The following MECOM variants were observed in gnomAD, a reference collection of about 807,000 sequenced individuals.
MECOM encodes the protein histone-lysine N-methyltransferase MECOM.
In MECOM, 13 loss-of-function variants were observed where a neutral mutation model predicts 116.3. The observed-to-expected ratio is 0.11, with a 90% confidence interval of 0.07 to 0.18. The LOEUF is 0.18. Among genes scored for constraint, MECOM ranks in the 10% least tolerant of loss-of-function variants. The pLI, the probability that MECOM is intolerant of heterozygous loss-of-function variation, is 1.00. For synonymous variants in MECOM, 528 were observed against 535.2 expected (o/e 0.99, Z 0.19); for missense variants, 1,299 against 1,509.0 (o/e 0.86, Z 2.31).
At chr3:169,606,139 C>T (rs1768515574) in intron 1 of MECOM, among the ~76,000 whole-genome samples, 7 of 152,224 alleles carry the variant, frequency 4.6e-5, no homozygotes, top group South Asian at 2.1e-4. Context: ...AGGCCAGGTG[C>T]GGTGGCTCAC....
chr3:169,128,854 T>C (rs533033753), intron 4 of MECOM, among the ~76,000 whole-genome samples: 1 of 152,322 alleles, frequency 6.6e-6, no homozygotes, highest in South Asian at 2.1e-4. Flanking sequence ...CAGGTAGTGA[T>C]GGCATTGTTT....
intron 1 of MECOM, among the ~76,000 whole-genome samples, chr3:169,492,792 T>C (rs958687490): frequency 6.6e-6 from 1 of 152,092 alleles, no homozygotes; most frequent in South Asian, 2.1e-4. Context: ...CTAAACCCCC[T>C]CTACTAAAAA....
At chr3:169,473,292 C>G (rs893412546) in intron 1 of MECOM, among the ~76,000 whole-genome samples, 1 of 152,162 alleles carries the variant, frequency 6.6e-6, no homozygotes, top group Non-Finnish European at 1.5e-5. Flanking sequence ...TCATCCTAAT[C>G]CACAGGCTAG....
intron 2 of MECOM, among the ~76,000 whole-genome samples, chr3:169,329,672 A>T (rs1722420144): frequency 1.3e-5 from 2 of 152,190 alleles, no homozygotes; most frequent in African/African-American, 4.8e-5. Context: ...GTATTTCCTT[A>T]TATAAATGGG....
At chr3:169,442,606 T>C (rs990376027) in intron 1 of MECOM, among the ~76,000 whole-genome samples, 3 of 151,976 alleles carry the variant, frequency 2.0e-5, no homozygotes, top group Admixed American at 6.6e-5. Context: ...ATTAAGGAGA[T>C]TGTAGAGACA....
In MECOM at chr3:169,594,592, A is replaced by G. The variant is rs76362417; in HGVS notation, c.37+68744T>C. 1.4e-3 allele frequency among the ~76,000 whole-genome samples: 213 copies of G among 151,814 alleles called. 1 individual carries two copies. Among genetic ancestry groups the G allele is most frequent in the African/African-American group, 5.0e-3 (206 of 41,398 alleles). On this transcript the variant is annotated intron_variant, in intron 1 of 16. Coordinates refer to ENST00000651503, the MANE Select transcript of MECOM (RefSeq NM_004991.4). ...GAATACTGGGAGAAGAGGAGTTTCC[A>G]TTAGTCCTTCTCAAGTCTGAGCCTC...
chr3:169,662,320 C>A (rs1213321195), intron 1 of MECOM, among the ~76,000 whole-genome samples: 1 of 152,172 alleles, frequency 6.6e-6, no homozygotes, highest in African/African-American at 2.4e-5. Context: ...TGCGCCCTCT[C>A]CGCGGCCCAA....
chr3:169,244,653 C>T (rs184564158), intron 2 of MECOM, among the ~76,000 whole-genome samples: 2 of 152,160 alleles, frequency 1.3e-5, no homozygotes, highest in Admixed American at 6.5e-5. Context: ...GACATGCCAC[C>T]GCATAAATTG....
At chr3:169,522,038 T>G (rs1293753807) in intron 1 of MECOM, among the ~76,000 whole-genome samples, 1 of 152,182 alleles carries the variant, frequency 6.6e-6, no homozygotes, top group Non-Finnish European at 1.5e-5. Context: ...CTTGAGCATC[T>G]GCAGATTTTG....
intron 9 of MECOM, 70 bp from the exon 10 acceptor site, chr3:169,108,022 T>C: frequency 7.6e-7 from 1 of 1,323,776 alleles, no homozygotes; most frequent in Non-Finnish European, 1.1e-6. Context: ...ATCTATCCTT[T>C]GAGAAATTAA....
At chr3:169,519,380 G>A (rs1275035936) in intron 1 of MECOM, among the ~76,000 whole-genome samples, 1 of 152,114 alleles carries the variant, frequency 6.6e-6, no homozygotes, top group Non-Finnish European at 1.5e-5. Context: ...AAAGATATAT[G>A]AACTTTGACA....
intron 1 of MECOM, among the ~76,000 whole-genome samples, chr3:169,624,923 A>G (rs929839503): frequency 5.3e-5 from 8 of 152,108 alleles, no homozygotes; most frequent in African/African-American, 1.9e-4. Context: ...CCTGCTTTAT[A>G]GCAACTTGTC....
intron 14 of MECOM, among the ~76,000 whole-genome samples, chr3:169,092,636 T>C (rs893102097): frequency 6.6e-6 from 1 of 152,086 alleles, no homozygotes; most frequent in Non-Finnish European, 1.5e-5. Context: ...GGTAAAATTA[T>C]GGGCTCTGGA....
chr3:169,643,892 C>T (rs1773807551), intron 1 of MECOM, among the ~76,000 whole-genome samples: 1 of 152,174 alleles, frequency 6.6e-6, no homozygotes, highest in Non-Finnish European at 1.5e-5. Context: ...ACTCAACTCT[C>T]ATAAAACAAG....
intron 1 of MECOM, among the ~76,000 whole-genome samples, chr3:169,386,765 T>C (rs923844649): frequency 4.6e-5 from 7 of 152,164 alleles, no homozygotes; most frequent in Admixed American, 6.5e-5. Context: ...TAAGAAAACT[T>C]AGTGGGTATT....
At chr3:169,538,532 T>G (rs920810704) in intron 1 of MECOM, among the ~76,000 whole-genome samples, 1 of 152,196 alleles carries the variant, frequency 6.6e-6, no homozygotes, top group Non-Finnish European at 1.5e-5. Context: ...TTAATATTTT[T>G]GAAATCTCAA....
In MECOM at chr3:169,485,759, G is replaced by C. The variant is rs78716763; in HGVS notation, c.38-104235C>G. ...ATTTGGCAACGAAATATGCGATTTTGCATTTAGCTAATAAATCCACCAATA... is the reference window on the plus strand; with the variant it reads ...ATTTGGCAACGAAATATGCGATTTTCCATTTAGCTAATAAATCCACCAATA... On this transcript the variant is annotated intron_variant, in intron 1 of 16. Transcript: ENST00000651503. Among the ~76,000 whole-genome samples, 2,118 of 150,096 alleles carry C rather than the reference G, an allele frequency of 0.014. 161 individuals are homozygous for C. The East Asian group carries it at 0.24, about 17-fold the overall frequency.
At chr3:169,410,227 T>TA (rs1448363396) in intron 1 of MECOM, among the ~76,000 whole-genome samples, 1 of 152,218 alleles carries the variant, frequency 6.6e-6, no homozygotes, top group Non-Finnish European at 1.5e-5. Flanking sequence ...AATTGTACCT[T>TA]AACTTGAATT....
Position 169,084,903 on chromosome 3 carries a change from A to C in MECOM, c.*6T>G, listed in dbSNP as rs1325097511. On this transcript the variant is annotated 3_prime_UTR_variant, in exon 17 of 17. Transcript: ENST00000651503. The stretch of plus-strand genomic sequence containing the variant: ...CTTGGTCCCACTCTGGTCAACCTTG[A>C]TAACGTCATACGTGGCTTATGGACT... 1.2e-6 allele frequency: 2 copies of C among 1,613,922 alleles called. No homozygotes were observed. Among genetic ancestry groups the C allele is most frequent in the Non-Finnish European group, 1.7e-6 (2 of 1,179,960 alleles).
Sources: allele counts gnomAD v4.1 joint callset (sites outside exome capture counted in the v4.1 genomes callset), GRCh38; gene constraint gnomAD v4.1.1; transcripts MANE v1.5; gene names NCBI Gene and HGNC (gene_info 2026-07-23, HGNC 2026-07-21).